The following GRIK2 variants were observed in gnomAD, a reference collection of about 807,000 sequenced individuals.
The protein encoded by GRIK2 is glutamate ionotropic receptor kainate type subunit 2, also known as glutamate receptor ionotropic, kainate 2.
Under a neutral mutation model 100.3 loss-of-function variants are expected in GRIK2, and 32 were observed. That is an observed-to-expected ratio of 0.32 (90% CI 0.24 to 0.43). GRIK2 has a LOEUF of 0.43. Ranked by LOEUF, GRIK2 falls within the 20% of genes least tolerant of loss-of-function variation. The probability of loss-of-function intolerance (pLI) is 1.00; values close to 1 mark genes in which losing one functional copy is unlikely to be tolerated. For missense variants in GRIK2, 843 were observed against 1,114.9 expected (o/e 0.76, Z 3.47); for synonymous variants, 417 against 389.4 (o/e 1.07, Z -0.83).
chr6:102,000,917 T>A (rs1794903924), intron 14 of GRIK2, among the ~76,000 whole-genome samples: 1 of 152,114 alleles, frequency 6.6e-6, no homozygotes, highest in East Asian at 1.9e-4. Flanking sequence ...ATGTCCTTTC[T>A]CTGCTTACTG....
intron 2 of GRIK2, among the ~76,000 whole-genome samples, chr6:101,405,067 C>T (rs1237053817): frequency 6.6e-6 from 1 of 152,006 alleles, no homozygotes; most frequent in African/African-American, 2.4e-5. Context: ...GAGCACAGAA[C>T]ACAACTCTTA....
chr6:102,019,411 T>G (rs1314739396), intron 14 of GRIK2, among the ~76,000 whole-genome samples: 1 of 152,066 alleles, frequency 6.6e-6, no homozygotes, highest in East Asian at 1.9e-4. Flanking sequence ...CTCTTCCTAC[T>G]GCAACTGCTC....
At chr6:101,455,318 T>G (rs1770942221) in intron 2 of GRIK2, among the ~76,000 whole-genome samples, 1 of 152,176 alleles carries the variant, frequency 6.6e-6, no homozygotes, top group Admixed American at 6.6e-5. Flanking sequence ...ATATTGAGTC[T>G]CCTCTCTCCA....
chr6:101,743,982 G>C (rs1012060565), intron 7 of GRIK2, among the ~76,000 whole-genome samples: 1 of 151,860 alleles, frequency 6.6e-6, no homozygotes, highest in Admixed American at 6.6e-5. Context: ...TCACTCTGTT[G>C]CCCAGGCTGG....
chr6:101,523,806 A>G (rs1775008000), intron 2 of GRIK2, among the ~76,000 whole-genome samples: 2 of 144,828 alleles, frequency 1.4e-5, no homozygotes, highest in African/African-American at 2.6e-5. Context: ...TGCAACCTCC[A>G]TCTCCTGGGT....
intron 2 of GRIK2, among the ~76,000 whole-genome samples, chr6:101,516,437 C>T (rs1281355471): frequency 6.6e-6 from 1 of 151,938 alleles, no homozygotes; most frequent in Non-Finnish European, 1.5e-5. Flanking sequence ...AAGCCAAGTA[C>T]TTAACAGCCA....
At chr6:101,703,984 G>A (rs1441990586) in intron 7 of GRIK2, among the ~76,000 whole-genome samples, 6 of 151,716 alleles carry the variant, frequency 4.0e-5, no homozygotes, top group African/African-American at 1.5e-4. Flanking sequence ...TGAATTGGAA[G>A]AGAAATTTAG....
chr6:101,474,513 A>T (rs923282652), intron 2 of GRIK2, among the ~76,000 whole-genome samples: 10 of 151,920 alleles, frequency 6.6e-5, no homozygotes, highest in Admixed American at 6.6e-5. Flanking sequence ...TATTTGACTT[A>T]TGAGAAGTTC....
chr6:101,881,920 C>T (rs1202142624), intron 11 of GRIK2, among the ~76,000 whole-genome samples: 2 of 151,978 alleles, frequency 1.3e-5, no homozygotes, highest in Non-Finnish European at 2.9e-5. Flanking sequence ...AAAGACATAC[C>T]TGAGACTGGG....
At chr6:101,502,744 C>G (rs1773826086) in intron 2 of GRIK2, among the ~76,000 whole-genome samples, 1 of 152,108 alleles carries the variant, frequency 6.6e-6, no homozygotes, top group South Asian at 2.1e-4. Context: ...CGAATTGAAA[C>G]ACTAAAGACC....
intron 11 of GRIK2, among the ~76,000 whole-genome samples, chr6:101,888,123 C>G (rs1786786161): frequency 6.6e-6 from 1 of 152,016 alleles, no homozygotes; most frequent in Non-Finnish European, 1.5e-5. Flanking sequence ...CTATATATTT[C>G]CCTTTCCATC....
At chr6:101,696,976 C>T (rs1431825528) in intron 7 of GRIK2, among the ~76,000 whole-genome samples, 2 of 151,992 alleles carry the variant, frequency 1.3e-5, no homozygotes, top group East Asian at 1.9e-4. Context: ...TATTTCTTTC[C>T]TTACAGACTA....
intron 7 of GRIK2, among the ~76,000 whole-genome samples, chr6:101,718,804 A>T (rs1297092770): frequency 6.6e-6 from 1 of 151,916 alleles, no homozygotes; most frequent in Non-Finnish European, 1.5e-5. Context: ...TTTGATACCA[A>T]ATCTGACATG....
At chr6:101,771,787 GT>G (rs372722679) in intron 7 of GRIK2, among the ~76,000 whole-genome samples, 8,261 of 149,244 alleles carry the variant, frequency 0.055, 606 homozygotes, top group African/African-American at 0.17. Flanking sequence ...GCGGTGTTTG[GT>G]TTTTTTGTCC....
chr6:101,530,791 T>C (rs1205190717), intron 2 of GRIK2, among the ~76,000 whole-genome samples: 1 of 151,912 alleles, frequency 6.6e-6, no homozygotes, highest in South Asian at 2.1e-4. Flanking sequence ...AAACATGACA[T>C]GGAATTTGAC....
chr6:101,400,166 A>G (rs977312475), intron 2 of GRIK2, among the ~76,000 whole-genome samples: 2 of 152,148 alleles, frequency 1.3e-5, no homozygotes, highest in African/African-American at 4.8e-5. Flanking sequence ...TTGTTTAAGG[A>G]GGGTTGACTA....
chr6:101,424,125 C>G (rs1177817468), intron 2 of GRIK2, among the ~76,000 whole-genome samples: 1 of 151,986 alleles, frequency 6.6e-6, no homozygotes, highest in Non-Finnish European at 1.5e-5. Context: ...ATAACAAGTG[C>G]TATGAATCTT....
At chr6:101,943,599 G>A (rs1008630811) in intron 14 of GRIK2, among the ~76,000 whole-genome samples, 1 of 152,200 alleles carries the variant, frequency 6.6e-6, no homozygotes, top group Admixed American at 6.5e-5. Context: ...TACCCTGTAT[G>A]TGAGACATGG....
chr6:101,726,561 A>G (rs189157027), intron 7 of GRIK2, among the ~76,000 whole-genome samples: 228 of 152,086 alleles, frequency 1.5e-3, no homozygotes, highest in Admixed American at 4.7e-3. Context: ...AGTTATATCG[A>G]TGATTAGAGT....
Sources: gnomAD v4.1 joint callset for allele counts (sites outside exome capture counted in the v4.1 genomes callset) on GRCh38, gnomAD v4.1.1 for gene constraint, MANE v1.5 for transcripts, NCBI Gene and HGNC (gene_info 2026-07-23, HGNC 2026-07-21) for gene names.